BLZF1: variants seen among roughly 807,000 people sequenced by gnomAD.
BLZF1 encodes basic leucine zipper nuclear factor 1.
BLZF1 carries 39 observed loss-of-function variants against 43.8 expected under a neutral mutation model. The ratio of observed to expected loss-of-function variants is 0.89; its 90% confidence interval spans 0.69 to 1.16. BLZF1 has a LOEUF of 1.16. Ranked by LOEUF, BLZF1 falls within the 50% of genes most tolerant of loss-of-function variation. The pLI is 0.00. For synonymous variants in BLZF1, 136 were observed against 159.4 expected (o/e 0.85, Z 1.11); for missense variants, 449 against 469.8 (o/e 0.96, Z 0.41).
chr1:169,380,572 C>T lies in BLZF1; in HGVS notation c.760C>T (p.Arg254Trp), dbSNP rs774681975. The T allele has an allele frequency of 1.1e-5, 18 of 1,612,654 alleles. No homozygotes were observed. The highest frequency in any genetic ancestry group is 4.4e-5 in the South Asian group (4 of 91,008). Reference sequence around the variant, plus strand: ...GGCTATACAAGATCTCCTAAGTGAACGGGAACAGTTTCGTCAAGAAATGAT... The same window carrying T: ...GGCTATACAAGATCTCCTAAGTGAATGGGAACAGTTTCGTCAAGAAATGAT... ...HGAIQDLLSE[R>W]EQFRQEMIAT... The change falls in exon 5 of 7, where the codon CGG becomes TGG. Residue 254 changes from arginine to tryptophan, a missense_variant. Transcript: ENST00000367808.
Position 169,380,464 on chromosome 1 carries a change from A to T in BLZF1, c.669-17A>T. On this transcript the variant is annotated splice_polypyrimidine_tract_variant and intron_variant, in intron 4 of 6. Coordinates refer to ENST00000367808, the MANE Select transcript of BLZF1 (RefSeq NM_001320973.2). ...TATTGTCAGCAAATTTATATGTAAG[A>T]TTTTAATCTTTTTCAGGGTAATGGC... The T allele has an allele frequency of 6.2e-7, 1 of 1,604,038 alleles. No homozygotes were observed.
chr1:169,373,429 TG>T (rs1201377052), intron 2 of BLZF1, among the ~76,000 whole-genome samples: 1 of 152,184 alleles, frequency 6.6e-6, no homozygotes, highest in Non-Finnish European at 1.5e-5. Context: ...AAATGTGTCC[TG>T]GATTGTGCCT....
chr1:169,388,784 AGACCAGCC>A (rs2102022867), downstream of BLZF1, among the ~76,000 whole-genome samples: 1 of 152,028 alleles, frequency 6.6e-6, no homozygotes, highest in South Asian at 2.1e-4. Context: ...CAGGAGTTCA[AGACCAGCC>A]GAGCCAAGAT....
At chr1:169,370,881 TTCAC>T (rs1408331468) in intron 2 of BLZF1, among the ~76,000 whole-genome samples, 1 of 152,200 alleles carries the variant, frequency 6.6e-6, no homozygotes, top group African/African-American at 2.4e-5. Flanking sequence ...ACTGGCCATC[TTCAC>T]ATAGCTGTAG....
At position 169,378,488 on chromosome 1, in the gene BLZF1, A is replaced by G; in HGVS notation, c.627A>G (p.Ser209=). 1 of 1,612,848 alleles carries G rather than the reference A, an allele frequency of 6.2e-7. No individual in the cohort carries two copies. Among genetic ancestry groups the G allele is most frequent in the Non-Finnish European group, 8.5e-7 (1 of 1,179,056 alleles). ...TTTCTGAACAGTTAGAACGTATGTC[A>G]ATACAGTGTGATGTATGGCGAAGTA... ...AQLSEQLERM[S]IQCDVWRSKF... Residue 209 remains serine (S), a synonymous_variant, in exon 4 of 7, where the codon TCA becomes TCG. Coordinates refer to ENST00000367808, the MANE Select transcript of BLZF1 (RefSeq NM_001320973.2).
chr1:169,388,256 C>A lies in BLZF1; in HGVS notation c.*1074C>A, dbSNP rs1390709998. 1 of 152,070 alleles carries A rather than the reference C, an allele frequency of 6.6e-6. No individual in the cohort carries two copies. The highest frequency in any genetic ancestry group is 1.5e-5 in the Non-Finnish European group (1 of 68,014). The allele number at this position is 152,070 out of a possible 1,614,324, so 9.4% of individuals were successfully genotyped here. A position where few individuals can be genotyped will look rare whatever the true frequency, so the allele number is the denominator to read the frequency against. The stretch of plus-strand genomic sequence containing the variant: ...CAATGATTTTTTTTGTCTGACTCAT[C>A]TGAGTTATATTTAGTTTTCAAGTGG... On this transcript the variant is annotated 3_prime_UTR_variant, in exon 7 of 7. Transcript: ENST00000367808.
At chr1:169,375,388 T>C (rs1165032072) in intron 2 of BLZF1, among the ~76,000 whole-genome samples, 2 of 74,316 alleles carry the variant, frequency 2.7e-5, no homozygotes, top group African/African-American at 5.6e-5. Flanking sequence ...CATATATATA[T>C]AAAACATATA....
chr1:169,369,465 A>G lies in BLZF1; in HGVS notation c.-50-8A>G. ...TTTTAAAATTATTTCATATGCATACATTTCTAGGTTGTTCAGCAGAAGTCT... is the reference window on the plus strand; with the variant it reads ...TTTTAAAATTATTTCATATGCATACGTTTCTAGGTTGTTCAGCAGAAGTCT... On this transcript the variant is annotated splice_polypyrimidine_tract_variant and splice_region_variant and intron_variant, in intron 1 of 6. Coordinates refer to ENST00000367808, the MANE Select transcript of BLZF1 (RefSeq NM_001320973.2). 1.4e-6 allele frequency: 2 copies of G among 1,450,320 alleles called. No individual in the cohort carries two copies. Among genetic ancestry groups the G allele is most frequent in the Non-Finnish European group, 9.5e-7 (1 of 1,056,962 alleles). The allele number at this position is 1,450,320 out of a possible 1,614,324, so 89.8% of individuals were successfully genotyped here. A position where few individuals can be genotyped will look rare whatever the true frequency, so the allele number is the denominator to read the frequency against.
intron 2 of BLZF1, 116 bp from the exon 3 acceptor site, chr1:169,376,424 T>C: frequency 1.1e-6 from 1 of 876,882 alleles, no homozygotes; most frequent in East Asian, 2.9e-5. Context: ...TTCTCTGATT[T>C]TTTTTTTGCA....
At chr1:169,377,101 T>G in intron 3 of BLZF1, 122 bp downstream of exon 3, 5 of 816,226 alleles carry the variant, frequency 6.1e-6, no homozygotes, top group Non-Finnish European at 9.6e-6. Flanking sequence ...GTCAGTTCTC[T>G]AAAATGCTTC....
rs935028975 is a variant in BLZF1, at chr1:169,374,446, CTTTG to C, written c.29-2090_29-2087del. Among the ~76,000 whole-genome samples the C allele has an allele frequency of 4.7e-4, 71 of 152,124 alleles. 1 individual carries two copies. Among genetic ancestry groups the C allele is most frequent in the Non-Finnish European group, 4.9e-4 (33 of 67,962 alleles). On this transcript the variant is annotated intron_variant, in intron 2 of 6. Transcript: ENST00000367808. ...CTTTATTTCACTTTCTGAAGTATTC[CTTTG>C]TTTATCTTTTTAAAAGTAGAGTCAA...
intron 7 of BLZF1, chr1:169,395,303 C>A (rs1654953487): frequency 9.2e-7 from 1 of 1,087,854 alleles, no homozygotes; most frequent in Non-Finnish European, 1.2e-6. Context: ...ATGGACATTT[C>A]TTTACAATGA....
At chr1:169,396,505 G>C (rs190934263) in exon 8 of BLZF1, 1 of 152,380 alleles carries the variant, frequency 6.6e-6, no homozygotes, top group East Asian at 1.9e-4. Flanking sequence ...GCAGTGAGCT[G>C]AGATCATGCC....
rs1235013671 is a variant in BLZF1 at position 169,388,037 on chromosome 1, C to G, written c.*855C>G. 1 of 151,968 alleles carries G rather than the reference C, an allele frequency of 6.6e-6. No individual in the cohort carries two copies. Among genetic ancestry groups the G allele is most frequent in the East Asian group, 1.9e-4 (1 of 5,198 alleles). 9.4% of individuals were successfully genotyped at this position (151,968 alleles called of 1,614,324 possible). A position where few individuals can be genotyped will look rare whatever the true frequency, so the allele number is the denominator to read the frequency against. On this transcript the variant is annotated 3_prime_UTR_variant, in exon 7 of 7. Coordinates refer to ENST00000367808, the MANE Select transcript of BLZF1 (RefSeq NM_001320973.2). ...AGTGTATAAGCTCAAAGAAAAAATG[C>G]AACCTGTCAATTAATATATACTATG...
intron 1 of BLZF1, among the ~76,000 whole-genome samples, chr1:169,368,572 C>T (rs1251033532): frequency 1.3e-5 from 2 of 152,192 alleles, no homozygotes; most frequent in South Asian, 4.1e-4. Flanking sequence ...TACTTCTTCA[C>T]CCCCTCCGCT....
At chr1:169,388,975 T>C (rs1047293619), downstream of BLZF1, among the ~76,000 whole-genome samples, 9 of 150,312 alleles carry the variant, frequency 6.0e-5, no homozygotes, top group Non-Finnish European at 4.4e-5. Flanking sequence ...TACAAAAAAT[T>C]AGTTGGGCAT....
At chr1:169,369,839 A>C (rs1404184724) in intron 2 of BLZF1, among the ~76,000 whole-genome samples, 3 of 152,216 alleles carry the variant, frequency 2.0e-5, no homozygotes, top group Non-Finnish European at 4.4e-5. Context: ...TACGATTTAA[A>C]TAAGAATACA....
In BLZF1 at chr1:169,382,298, T is replaced by C; in HGVS notation, c.1017+17T>C. On this transcript the variant is annotated intron_variant, in intron 6 of 6. Coordinates refer to ENST00000367808, the MANE Select transcript of BLZF1 (RefSeq NM_001320973.2). The stretch of plus-strand genomic sequence containing the variant: ...GCTGAAACGGTAAAATATTTTCTTT[T>C]GTGATCTATGGAACTTCTAACACTG... The C allele has an allele frequency of 6.9e-6, 11 of 1,602,544 alleles. No individual in the cohort carries two copies. The highest frequency in any genetic ancestry group is 9.4e-6 in the Non-Finnish European group (11 of 1,171,222).
chr1:169,388,858 C>T (rs935539844), downstream of BLZF1, among the ~76,000 whole-genome samples: 7 of 152,008 alleles, frequency 4.6e-5, no homozygotes, highest in Middle Eastern at 3.4e-3. Flanking sequence ...CAGTGGCTCA[C>T]GCCTGTAATC....
Sources: allele counts gnomAD v4.1 joint callset (sites outside exome capture counted in the v4.1 genomes callset), GRCh38; gene constraint gnomAD v4.1.1; transcripts MANE v1.5; gene names NCBI Gene and HGNC (gene_info 2026-07-23, HGNC 2026-07-21).